The following ELMO1 variants were observed in gnomAD, a reference collection of about 807,000 sequenced individuals.
The protein encoded by ELMO1 is engulfment and cell motility 1.
In ELMO1, 26 loss-of-function variants were observed where a neutral mutation model predicts 98.9. The observed-to-expected ratio is 0.26, with a 90% CI of 0.19 to 0.36. The LOEUF (loss-of-function observed/expected upper bound fraction) is 0.36, where lower values mean the gene tolerates loss of function less well. Among genes scored for constraint, ELMO1 ranks in the 10% least tolerant of loss-of-function variants. ELMO1 has a pLI of 1.00. For synonymous variants in ELMO1, 346 were observed against 346.0 expected (o/e 1.00, Z 0.00); for missense variants, 627 against 935.2 (o/e 0.67, Z 4.30).
intron 16 of ELMO1, among the ~76,000 whole-genome samples, chr7:36,935,909 C>T (rs549266343): frequency 4.1e-4 from 62 of 152,274 alleles, no homozygotes; most frequent in Non-Finnish European, 6.9e-4. Flanking sequence ...GAGCGACTCC[C>T]TAAATCTGAG....
intron 14 of ELMO1, among the ~76,000 whole-genome samples, chr7:37,116,500 C>T (rs1050764553): frequency 4.6e-5 from 7 of 152,070 alleles, no homozygotes; most frequent in African/African-American, 1.7e-4. Flanking sequence ...TTGGCTGGTA[C>T]CTCAGTGAGG....
At chr7:36,977,648 T>C (rs1214920273) in intron 16 of ELMO1, among the ~76,000 whole-genome samples, 1 of 152,256 alleles carries the variant, frequency 6.6e-6, no homozygotes, top group Non-Finnish European at 1.5e-5. Context: ...GAGGTTGCTT[T>C]GTGAAACTAG....
At chr7:36,954,812 T>C (rs1481209249) in intron 16 of ELMO1, among the ~76,000 whole-genome samples, 1 of 152,230 alleles carries the variant, frequency 6.6e-6, no homozygotes, top group African/African-American at 2.4e-5. Context: ...ATGAGATGTC[T>C]GCTCAAAATG....
intron 19 of ELMO1, among the ~76,000 whole-genome samples, chr7:36,875,530 A>C (rs1203290584): frequency 6.6e-6 from 1 of 152,188 alleles, no homozygotes; most frequent in African/African-American, 2.4e-5. Flanking sequence ...ATTTCAGAGG[A>C]AAGCAGTTGC....
intron 16 of ELMO1, among the ~76,000 whole-genome samples, chr7:37,002,876 T>C (rs573657439): frequency 6.6e-6 from 1 of 152,242 alleles, no homozygotes; most frequent in African/African-American, 2.4e-5. Context: ...GCAATTGCAG[T>C]TCACTGACAT....
At chr7:37,308,388 C>A (rs1280447242) in intron 4 of ELMO1, among the ~76,000 whole-genome samples, 1 of 152,180 alleles carries the variant, frequency 6.6e-6, no homozygotes, top group Non-Finnish European at 1.5e-5. Flanking sequence ...AACTTTCCAG[C>A]CACATCTGGA....
chr7:37,349,214 G>C (rs145514193), intron 1 of ELMO1, among the ~76,000 whole-genome samples: 1 of 152,220 alleles, frequency 6.6e-6, no homozygotes, highest in Non-Finnish European at 1.5e-5. Flanking sequence ...GTCCCGCTAA[G>C]TCATTATCTA....
chr7:37,292,448 A>C (rs1283097327), intron 4 of ELMO1, among the ~76,000 whole-genome samples: 6 of 42,800 alleles, frequency 1.4e-4, no homozygotes, highest in Non-Finnish European at 3.2e-4. Flanking sequence ...CTGGCTGCCC[A>C]GTCTGGAAAG....
chr7:37,240,024 TTTTC>T (rs1329618940), intron 7 of ELMO1, among the ~76,000 whole-genome samples: 1 of 149,692 alleles, frequency 6.7e-6, no homozygotes, highest in East Asian at 1.9e-4. Context: ...TCATCCTTAA[TTTTC>T]TTTCTTTTTT....
chr7:37,390,551 T>C (rs1803022930), intron 1 of ELMO1, among the ~76,000 whole-genome samples: 1 of 152,144 alleles, frequency 6.6e-6, no homozygotes, highest in South Asian at 2.1e-4. Flanking sequence ...GCCCTACCTG[T>C]TTTGAATAGC....
At chr7:37,366,934 C>A (rs1382005765) in intron 1 of ELMO1, among the ~76,000 whole-genome samples, 1 of 152,134 alleles carries the variant, frequency 6.6e-6, no homozygotes. Flanking sequence ...AGAAAGTAAA[C>A]AAAGATATTA....
intron 16 of ELMO1, among the ~76,000 whole-genome samples, chr7:36,909,022 T>C (rs1449476318): frequency 6.6e-6 from 1 of 152,178 alleles, no homozygotes; most frequent in Non-Finnish European, 1.5e-5. Flanking sequence ...TACTGGTAAA[T>C]GACAGAAGAG....
chr7:37,371,077 T>C (rs182878341), intron 1 of ELMO1, among the ~76,000 whole-genome samples: 236 of 152,306 alleles, frequency 1.5e-3, no homozygotes, highest in Non-Finnish European at 2.3e-3. Flanking sequence ...CTCTGAAGAA[T>C]AAAAATGAAC....
intron 18 of ELMO1, 60 bp from the exon 19 acceptor site, chr7:36,878,177 T>G (rs1463084351): frequency 3.1e-6 from 4 of 1,285,894 alleles, no homozygotes; most frequent in African/African-American, 2.9e-5. Flanking sequence ...AATACTAGCC[T>G]GGTTATTTCT....
intron 15 of ELMO1, among the ~76,000 whole-genome samples, chr7:37,079,818 G>A (rs1485498303): frequency 6.6e-6 from 1 of 152,094 alleles, no homozygotes; most frequent in Non-Finnish European, 1.5e-5. Flanking sequence ...AAATCTTGGG[G>A]TGCTCTAGGC....
At chr7:36,991,700 C>A (rs750048036) in intron 16 of ELMO1, among the ~76,000 whole-genome samples, 1 of 152,132 alleles carries the variant, frequency 6.6e-6, no homozygotes, top group Non-Finnish European at 1.5e-5. Flanking sequence ...AATGTGCAAA[C>A]CCTGTCACAC....
intron 15 of ELMO1, among the ~76,000 whole-genome samples, chr7:37,077,290 C>G (rs1797633679): frequency 6.6e-6 from 1 of 152,184 alleles, no homozygotes; most frequent in African/African-American, 2.4e-5. Flanking sequence ...GAGCTGTGCC[C>G]TCAGGGAGAG....
At chr7:37,130,995 T>C (rs1214583754) in intron 14 of ELMO1, among the ~76,000 whole-genome samples, 3 of 152,114 alleles carry the variant, frequency 2.0e-5, no homozygotes, top group African/African-American at 2.4e-5. Flanking sequence ...GAAAAGACCA[T>C]TGAGCTCATG....
chr7:37,066,009 T>C (rs568569797), intron 15 of ELMO1, among the ~76,000 whole-genome samples: 105 of 152,298 alleles, frequency 6.9e-4, no homozygotes, highest in African/African-American at 2.5e-3. Flanking sequence ...TCACAAGATC[T>C]GATGGTTTTA....
Sources: allele counts gnomAD v4.1 joint callset (sites outside exome capture counted in the v4.1 genomes callset), GRCh38; gene constraint gnomAD v4.1.1; transcripts MANE v1.5; gene names NCBI Gene and HGNC (gene_info 2026-07-23, HGNC 2026-07-21).